The following TMEM39B variants were observed in gnomAD, a reference collection of about 807,000 sequenced individuals.
TMEM39B encodes transmembrane protein 39B.
TMEM39B carries 23 observed loss-of-function variants against 52.2 expected under a neutral mutation model. That is an observed-to-expected ratio of 0.44 (90% CI 0.32 to 0.62). TMEM39B has a LOEUF of 0.62. Ranked by LOEUF, TMEM39B falls within the 20% of genes least tolerant of loss-of-function variation. TMEM39B has a pLI of 0.06. For missense variants in TMEM39B, 547 were observed against 642.0 expected (o/e 0.85, Z 1.60); for synonymous variants, 285 against 264.0 (o/e 1.08, Z -0.77).
intron 1 of TMEM39B, chr1:32,073,914 G>GTA: frequency 1.0e-6 from 1 of 976,382 alleles, no homozygotes; most frequent in South Asian, 4.7e-5. Flanking sequence ...GTATATGTAT[G>GTA]TATATATATT....
chr1:32,075,834 A>C lies in TMEM39B; in HGVS notation c.351+12A>C, dbSNP rs1639829327. On this transcript the variant is annotated intron_variant, in intron 3 of 8. Transcript: ENST00000336294. The stretch of plus-strand genomic sequence containing the variant: ...CCCACACCTCCCTGGTAGGTACCCA[A>C]CAAGGGTGTGTGTGTGTGTGTGTGT... 6.3e-6 allele frequency: 9 copies of C among 1,427,686 alleles called. No homozygotes were observed. The highest frequency in any genetic ancestry group is 8.6e-6 in the Non-Finnish European group (9 of 1,052,494). 88.4% of individuals were successfully genotyped at this position (1,427,686 alleles called of 1,614,324 possible).
At chr1:32,074,879 G>A in intron 1 of TMEM39B, 72 bp from the exon 2 acceptor site, 1 of 1,471,260 alleles carries the variant, frequency 6.8e-7, no homozygotes, top group Non-Finnish European at 9.1e-7. Context: ...GTGACTGGCA[G>A]CTGGTATCAT....
intron 5 of TMEM39B, among the ~76,000 whole-genome samples, chr1:32,089,190 G>A (rs1283634005): frequency 6.8e-6 from 1 of 147,436 alleles, no homozygotes; most frequent in Non-Finnish European, 1.5e-5. Context: ...AGGCTGGAGT[G>A]CAGTAGTGTG....
At chr1:32,072,815 G>C (rs1639691023), upstream of TMEM39B, 1 of 546,290 alleles carries the variant, frequency 1.8e-6, no homozygotes, top group African/African-American at 2.0e-5. Flanking sequence ...GGAAGGGCGT[G>C]GGGGACCGAG....
At chr1:32,095,587 C>G (rs951555020) in intron 7 of TMEM39B, 3 of 153,690 alleles carry the variant, frequency 2.0e-5, no homozygotes, top group African/African-American at 7.2e-5. Flanking sequence ...AGAAGTCACA[C>G]TGCTCAGGGG....
intron 5 of TMEM39B, 47 bp from the exon 6 acceptor site, chr1:32,091,628 T>C: frequency 6.5e-7 from 1 of 1,544,620 alleles, no homozygotes; most frequent in Non-Finnish European, 8.8e-7. Flanking sequence ...AGAGTTGGGA[T>C]CCTGGCCCAT....
intron 5 of TMEM39B, among the ~76,000 whole-genome samples, chr1:32,080,674 C>CAA (rs947127249): frequency 6.2e-4 from 32 of 51,440 alleles, no homozygotes; most frequent in Non-Finnish European, 7.9e-4. Flanking sequence ...GACTCTGTCT[C>CAA]AAAAAAAAAA....
chr1:32,087,703 G>A (rs1176723497), intron 5 of TMEM39B: 2 of 139,986 alleles, frequency 1.4e-5, no homozygotes, highest in Non-Finnish European at 3.1e-5. Flanking sequence ...AGGCTGGAGT[G>A]CAGTGGCACA....
At chr1:32,096,035 G>A (rs1209362381) in intron 7 of TMEM39B, among the ~76,000 whole-genome samples, 3 of 152,104 alleles carry the variant, frequency 2.0e-5, no homozygotes, top group Non-Finnish European at 4.4e-5. Context: ...TGATGAGCTG[G>A]GTCCTGCCAG....
Position 32,100,541 on chromosome 1 carries a change from C to T in TMEM39B, c.1215C>T (p.Asp405=), listed in dbSNP as rs373923538. 38 of 1,614,056 alleles carry T rather than the reference C, an allele frequency of 2.4e-5. No homozygotes were observed. Among genetic ancestry groups the T allele is most frequent in the South Asian group, 3.3e-5 (3 of 91,084 alleles). The change falls in exon 8 of 9, where the codon GAC becomes GAT. Residue 405 remains aspartate, a synonymous_variant. Transcript: ENST00000336294. ...VGHYNVAIPS[D]VSHFRFHFFF... ...ACTACAACGTGGCTATCCCCTCTGA[C>T]GTCTCCCACTTCCGCTTCCATGTGA...
chr1:32,088,769 C>CTTTTTTTTTTTTTTTTTTTTTTT (rs1001029615), intron 5 of TMEM39B, among the ~76,000 whole-genome samples: 6 of 152,214 alleles, frequency 3.9e-5, no homozygotes, highest in South Asian at 2.1e-4. Flanking sequence ...CAGCGAGATT[C>CTTTTTTTTTTTTTTTTTTTTTTT]TTTAAGTTTA....
intron 6 of TMEM39B, 117 bp from the exon 7 acceptor site, chr1:32,094,667 C>A: frequency 1.8e-6 from 2 of 1,118,072 alleles, no homozygotes; most frequent in Non-Finnish European, 2.6e-6. Flanking sequence ...TGGTTTCAGG[C>A]TATTCTGAGG....
At chr1:32,098,457 G>A (rs968770512) in intron 7 of TMEM39B, among the ~76,000 whole-genome samples, 2 of 152,186 alleles carry the variant, frequency 1.3e-5, no homozygotes, top group Non-Finnish European at 2.9e-5. Context: ...ACTGGGCCAG[G>A]TGCAGTGGCT....
Position 32,074,841 on chromosome 1 carries a change from A to G in TMEM39B, c.5-110A>G, listed in dbSNP as rs990100486. 4.5e-6 allele frequency: 6 copies of G among 1,323,452 alleles called. No individual in the cohort carries two copies. In the African/African-American group the frequency reaches 7.4e-5, roughly 16 times the overall value. 82.0% of individuals were successfully genotyped at this position (1,323,452 alleles called of 1,614,324 possible). On this transcript the variant is annotated intron_variant, in intron 1 of 8. Coordinates refer to ENST00000336294, the MANE Select transcript of TMEM39B (RefSeq NM_018056.4). ...AGGGGCCAGATCATAGGTCTCAGTGAGGATTAAATGATAAAGTGAGATACT... is the reference window on the plus strand; with the variant it reads ...AGGGGCCAGATCATAGGTCTCAGTGGGGATTAAATGATAAAGTGAGATACT...
intron 5 of TMEM39B, among the ~76,000 whole-genome samples, chr1:32,081,986 T>G (rs16834858): frequency 0.14 from 20,611 of 152,066 alleles, 1,906 homozygotes; most frequent in South Asian, 0.25. Flanking sequence ...GTATATTGAT[T>G]CCCTGCAATG....
rs1325299065 is a variant in TMEM39B, at chr1:32,075,033, C to T, written c.87C>T (p.Ser29=). 2.6e-6 allele frequency: 4 copies of T among 1,551,530 alleles called. No homozygotes were observed. The highest frequency in any genetic ancestry group is 3.5e-6 in the Non-Finnish European group (4 of 1,146,942). Reference sequence around the variant, plus strand: ...GATCCTCGGGGGGCTCTAGTGGAAGCCACACTTCCAGTGCATCGGTGACCA... The same window carrying T: ...GATCCTCGGGGGGCTCTAGTGGAAGTCACACTTCCAGTGCATCGGTGACCA... ...EPGSSGGSSG[S]HTSSASVTSV... is the part of the protein sequence containing the mutation. The change falls in exon 2 of 9, where the codon AGC becomes AGT. Residue 29 remains serine (S), a synonymous_variant. Transcript: ENST00000336294.
At chr1:32,083,409 CTTTTTTTTTTTTT>C (rs1052027069) in intron 5 of TMEM39B, among the ~76,000 whole-genome samples, 129 of 54,620 alleles carry the variant, frequency 2.4e-3, no homozygotes, top group African/African-American at 9.6e-3. Flanking sequence ...TAAAGGACTT[CTTTTTTTTTTTTT>C]TTTTTTTTTT....
At chr1:32,093,387 C>G (rs1456699951) in intron 6 of TMEM39B, among the ~76,000 whole-genome samples, 1 of 145,928 alleles carries the variant, frequency 6.9e-6, no homozygotes, top group Non-Finnish European at 1.5e-5. Flanking sequence ...CCATGAGCCA[C>G]CAAGCCCGGC....
At chr1:32,087,319 C>CAAAAA (rs1207083221) in intron 5 of TMEM39B, among the ~76,000 whole-genome samples, 9 of 28,972 alleles carry the variant, frequency 3.1e-4, no homozygotes, top group Admixed American at 1.3e-3. Context: ...CTCCGTCTCA[C>CAAAAA]AAAAAAAAAA....
Sources: allele counts gnomAD v4.1 joint callset (sites outside exome capture counted in the v4.1 genomes callset), GRCh38; gene constraint gnomAD v4.1.1; transcripts MANE v1.5; gene names NCBI Gene and HGNC (gene_info 2026-07-23, HGNC 2026-07-21).